The following C1orf159 variants were observed in gnomAD, a reference collection of about 807,000 sequenced individuals.
C1orf159 encodes uncharacterized protein C1orf159.
In C1orf159, 19 loss-of-function variants were observed where a neutral mutation model predicts 25.6. That is an observed-to-expected ratio of 0.74 (90% CI 0.52 to 1.09). C1orf159 has a LOEUF of 1.09. Among genes scored for constraint, C1orf159 ranks in the 50% least tolerant of loss-of-function variants. C1orf159 has a pLI of 0.00. For synonymous variants in C1orf159, 139 were observed against 124.7 expected (o/e 1.12, Z -0.77); for missense variants, 274 against 290.6 (o/e 0.94, Z 0.42).
intron 1 of C1orf159, among the ~76,000 whole-genome samples, chr1:1,098,962 G>A (rs1393107991): frequency 1.3e-5 from 2 of 150,120 alleles, no homozygotes; most frequent in African/African-American, 5.0e-5. Context: ...TGATGATACT[G>A]TTACTCAGAT....
intron 3 of C1orf159, 55 bp downstream of exon 3, chr1:1,091,417 G>A (rs562118501): frequency 2.1e-4 from 299 of 1,427,002 alleles, no homozygotes; most frequent in Middle Eastern, 8.6e-4. Context: ...AGGGCCCACC[G>A]CCCTCCACAG....
Position 1,088,703 on chromosome 1 carries a change from G to A in C1orf159, c.149-1106C>T, listed in dbSNP as rs142031476. 5.0e-3 allele frequency among the ~76,000 whole-genome samples: 756 copies of A among 152,232 alleles called. 8 individuals carry two copies. The highest frequency in any genetic ancestry group is 0.017 in the African/African-American group (723 of 41,552). The stretch of plus-strand genomic sequence containing the variant: ...TAGACACACTCTTGATGCCGACTGC[G>A]GTGCGGCTGCTGGTGCGGGCCACGG... On this transcript the variant is annotated intron_variant, in intron 4 of 9. Coordinates refer to ENST00000421241, the MANE Select transcript of C1orf159 (RefSeq NM_017891.5).
rs568958699 is a variant in C1orf159, at chr1:1,082,435, C to A, written c.*458G>T. ...CCGGCTGGAACGGCACGAGGACCAG[C>A]CTCACTGTTCTCAGAGGGGTCTCGG... is the stretch of plus-strand genomic sequence containing the variant. On this transcript the variant is annotated 3_prime_UTR_variant, in exon 10 of 10. Transcript: ENST00000421241. 91 of 187,460 alleles carry A rather than the reference C, an allele frequency of 4.9e-4. 1 individual carries two copies. The South Asian group carries it at 8.1e-3, about 17-fold the overall frequency. The allele number at this position is 187,460 out of a possible 1,614,324, so 11.6% of individuals were successfully genotyped here.
At chr1:1,091,326 C>A (rs1359069018) in intron 3 of C1orf159, 146 bp downstream of exon 3, 6 of 821,972 alleles carry the variant, frequency 7.3e-6, no homozygotes, top group Non-Finnish European at 1.2e-5. Context: ...GCCCCTCTGA[C>A]CCCAGCAGTG....
At chr1:1,107,438 C>T (rs1343969850) in intron 1 of C1orf159, among the ~76,000 whole-genome samples, 4 of 152,058 alleles carry the variant, frequency 2.6e-5, no homozygotes, top group East Asian at 3.9e-4. Context: ...GGTTTGTAAA[C>T]GCACCAATCA....
chr1:1,087,465 T>G lies in C1orf159; in HGVS notation c.244+37A>C, dbSNP rs1033270997. ...CCACAGTGTCTCCCACAGCTGGAGC[T>G]GTGAGAAGGGAGCCGGGGGGAGCCG... On this transcript the variant is annotated intron_variant, in intron 5 of 9. Transcript: ENST00000421241. This position sits in a 1 kb window ranked among gnomAD's most constrained non-coding sequence, Gnocchi z 8.3. 7 of 1,511,410 alleles carry G rather than the reference T, an allele frequency of 4.6e-6. No homozygotes were observed. In the African/African-American group the frequency reaches 9.7e-5, roughly 21 times the overall value. 93.6% of individuals were successfully genotyped at this position (1,511,410 alleles called of 1,614,324 possible).
rs763264039 is a variant in C1orf159 at position 1,084,079 on chromosome 1, C to T, written c.502+274G>A. ...GTGGTGGGTCCTCCTTTCCTGCAGA[C>T]CCCACGTCTCGGGAACAGGAAAGAG... On this transcript the variant is annotated intron_variant, in intron 9 of 9. Transcript: ENST00000421241. 6.2e-6 allele frequency: 10 copies of T among 1,604,870 alleles called. No homozygotes were observed. In the Admixed American group the frequency reaches 1.4e-4, roughly 22 times the overall value.
At chr1:1,100,865 T>C (rs1289604473) in intron 1 of C1orf159, among the ~76,000 whole-genome samples, 1 of 152,228 alleles carries the variant, frequency 6.6e-6, no homozygotes, top group African/African-American at 2.4e-5. Context: ...TGTAGACACC[T>C]TGCAACTGTA....
chr1:1,086,857 G>A (rs560141903), intron 6 of C1orf159, among the ~76,000 whole-genome samples: 6 of 152,282 alleles, frequency 3.9e-5, no homozygotes, highest in Non-Finnish European at 7.3e-5. Flanking sequence ...ACCTGAGAGC[G>A]TGTGGCTGTG....
At chr1:1,086,420 A>G (rs1418286780) in intron 6 of C1orf159, among the ~76,000 whole-genome samples, 36 of 152,210 alleles carry the variant, frequency 2.4e-4, no homozygotes, top group Admixed American at 2.4e-3. Flanking sequence ...CAGAGCCTCA[A>G]GCTGGCAGCA....
intron 1 of C1orf159, among the ~76,000 whole-genome samples, chr1:1,094,265 G>A (rs898550107): frequency 1.4e-4 from 22 of 151,996 alleles, no homozygotes; most frequent in African/African-American, 2.2e-4. Flanking sequence ...GTTGACCTCC[G>A]GGGCTTAAGT....
rs185748829 is a variant in C1orf159, at chr1:1,100,612, G to A, written c.-135-8509C>T. On this transcript the variant is annotated intron_variant, in intron 1 of 9. Transcript: ENST00000421241. ...ACTATCGTTGGATTTCAGGTCTACC[G>A]TTTTTACCGTTTATTATTTGTTTTC... Among the ~76,000 whole-genome samples, 27 of 152,200 alleles carry A rather than the reference G, an allele frequency of 1.8e-4. No individual in the cohort carries two copies. The East Asian group carries it at 2.3e-3, about 13-fold the overall frequency.
intron 3 of C1orf159, chr1:1,091,061 CCA>C: frequency 8.2e-7 from 1 of 1,225,652 alleles, no homozygotes; most frequent in Non-Finnish European, 1.1e-6. Flanking sequence ...AGGGAGGGGC[CCA>C]GGTCCGGTCC....
intron 1 of C1orf159, among the ~76,000 whole-genome samples, chr1:1,115,517 C>A (rs1372596123): frequency 8.1e-6 from 1 of 122,752 alleles, no homozygotes; most frequent in East Asian, 2.6e-4. Flanking sequence ...CCCCGAGAAC[C>A]CCCTCCCCTC....
At chr1:1,104,317 T>A (rs1646141710) in intron 1 of C1orf159, among the ~76,000 whole-genome samples, 2 of 152,200 alleles carry the variant, frequency 1.3e-5, no homozygotes, top group Admixed American at 1.3e-4. Flanking sequence ...AGTGCGTTAG[T>A]CACCCCACAC....
In C1orf159 at chr1:1,087,967, G is replaced by A. The variant is rs1036719235; in HGVS notation, c.149-370C>T. Among the ~76,000 whole-genome samples the A allele has an allele frequency of 6.7e-6, 1 of 150,198 alleles. No individual in the cohort carries two copies. Among genetic ancestry groups the A allele is most frequent in the Admixed American group, 6.6e-5 (1 of 15,130 alleles). On this transcript the variant is annotated intron_variant, in intron 4 of 9. Transcript: ENST00000421241. This position sits in a 1 kb window ranked among gnomAD's most constrained non-coding sequence, Gnocchi z 8.3. ...CGAGCACCCCGGCCCTGAGCACCCC[G>A]ACCCTGAGTACTCCACACTGCGTAC...
At chr1:1,088,361 T>C (rs1156531442) in intron 4 of C1orf159, among the ~76,000 whole-genome samples, 1 of 40,690 alleles carries the variant, frequency 2.5e-5, no homozygotes, top group Admixed American at 3.6e-4. Flanking sequence ...AAGACCCCCA[T>C]CTGCAGTGCC....
At chr1:1,090,855 G>A (rs1459199438) in intron 3 of C1orf159, 5 of 1,538,740 alleles carry the variant, frequency 3.2e-6, no homozygotes, top group South Asian at 2.4e-5. Context: ...CTGCACAGGT[G>A]CGCTGGGTGC....
chr1:1,113,569 C>T (rs1646290511), intron 1 of C1orf159, among the ~76,000 whole-genome samples: 1 of 152,122 alleles, frequency 6.6e-6, no homozygotes, highest in Non-Finnish European at 1.5e-5. Flanking sequence ...GACACCAAAG[C>T]ATGTTAGCAG....
Sources: gnomAD v4.1 joint callset for allele counts (sites outside exome capture counted in the v4.1 genomes callset) on GRCh38, gnomAD v4.1.1 for gene constraint, Gnocchi (gnomAD v3.1) non-coding constraint, MANE v1.5 for transcripts, NCBI Gene and HGNC (gene_info 2026-07-23, HGNC 2026-07-21) for gene names.